MLLT3: variants seen among roughly 807,000 people sequenced by gnomAD.
MLLT3 encodes MLLT3 super elongation complex subunit, also known as protein AF-9.
In MLLT3, 4 loss-of-function variants were observed where a neutral mutation model predicts 53.2. That is an observed-to-expected ratio of 0.08 (90% CI 0.04 to 0.17). The LOEUF (loss-of-function observed/expected upper bound fraction) is 0.17. Among genes scored for constraint, MLLT3 ranks in the 10% least tolerant of loss-of-function variants. The pLI, the probability that MLLT3 is intolerant of heterozygous loss-of-function variation, is 1.00. For synonymous variants in MLLT3, 283 were observed against 230.6 expected, an observed-to-expected ratio of 1.23 and a Z score of -2.06; for missense variants, 569 against 684.0, an observed-to-expected ratio of 0.83 and a Z score of 1.87.
intron 2 of MLLT3, among the ~76,000 whole-genome samples, chr9:20,493,760 T>G (rs1383259516): frequency 6.6e-6 from 1 of 152,078 alleles, no homozygotes; most frequent in Non-Finnish European, 1.5e-5. Context: ...TAATTACAAT[T>G]CTAAAAAACT....
intron 4 of MLLT3, among the ~76,000 whole-genome samples, chr9:20,416,843 G>C (rs757204121): frequency 3.9e-5 from 6 of 152,134 alleles, no homozygotes; most frequent in Admixed American, 1.3e-4. Flanking sequence ...AAAGGAGAGA[G>C]AGCAGTTTTT....
chr9:20,547,536 C>A (rs919914491), intron 2 of MLLT3, among the ~76,000 whole-genome samples: 2 of 150,336 alleles, frequency 1.3e-5, no homozygotes, highest in African/African-American at 4.9e-5. Context: ...CCCAGCTACT[C>A]GGGAGGCTGA....
At chr9:20,476,070 T>C (rs866798630) in intron 2 of MLLT3, among the ~76,000 whole-genome samples, 2 of 151,388 alleles carry the variant, frequency 1.3e-5, no homozygotes, top group Middle Eastern at 3.4e-3. Flanking sequence ...TTTTTGTGTA[T>C]TTTTTTTTAA....
chr9:20,545,650 T>C (rs1291514659), intron 2 of MLLT3, among the ~76,000 whole-genome samples: 1 of 152,162 alleles, frequency 6.6e-6, no homozygotes, highest in African/African-American at 2.4e-5. Flanking sequence ...CCTTGTATTT[T>C]AGTCATACAT....
At chr9:20,561,551 C>T (rs1819212287) in intron 2 of MLLT3, among the ~76,000 whole-genome samples, 2 of 152,090 alleles carry the variant, frequency 1.3e-5, no homozygotes, top group African/African-American at 4.8e-5. Flanking sequence ...CAATCTGTGT[C>T]CAAGTTTCCT....
intron 2 of MLLT3, among the ~76,000 whole-genome samples, chr9:20,594,262 T>C (rs1820196788): frequency 6.6e-6 from 1 of 152,084 alleles, no homozygotes; most frequent in African/African-American, 2.4e-5. Context: ...AAATTAAACA[T>C]TTATTAATCT....
At chr9:20,437,883 G>A (rs1423088192) in intron 4 of MLLT3, among the ~76,000 whole-genome samples, 1 of 152,076 alleles carries the variant, frequency 6.6e-6, no homozygotes, top group African/African-American at 2.4e-5. Flanking sequence ...TACAGCAAGG[G>A]CTACATTATT....
chr9:20,610,657 A>G (rs1820678064), intron 2 of MLLT3, among the ~76,000 whole-genome samples: 1 of 152,162 alleles, frequency 6.6e-6, no homozygotes, highest in Non-Finnish European at 1.5e-5. Flanking sequence ...TACAGTGATA[A>G]CATAGGTCCC....
intron 2 of MLLT3, among the ~76,000 whole-genome samples, chr9:20,471,545 T>G (rs1268935611): frequency 6.6e-6 from 1 of 152,076 alleles, no homozygotes. Context: ...GTAATTAACT[T>G]TAGGTAGGTT....
intron 2 of MLLT3, among the ~76,000 whole-genome samples, chr9:20,489,823 TAAAGGG>T (rs1284115102): frequency 6.6e-6 from 1 of 152,020 alleles, no homozygotes; most frequent in African/African-American, 2.4e-5. Flanking sequence ...GGGGAAAAGT[TAAAGGG>T]AAACTACATG....
At chr9:20,350,007 C>G (rs561995463) in intron 10 of MLLT3, among the ~76,000 whole-genome samples, 26 of 152,262 alleles carry the variant, frequency 1.7e-4, no homozygotes, top group African/African-American at 6.0e-4. Flanking sequence ...AGCATGTGCC[C>G]ACATCCTCAT....
chr9:20,405,016 G>A (rs911631720), intron 5 of MLLT3, among the ~76,000 whole-genome samples: 1 of 152,206 alleles, frequency 6.6e-6, no homozygotes, highest in South Asian at 2.1e-4. Flanking sequence ...GGAGATGCAT[G>A]AGTGCAACCT....
intron 5 of MLLT3, among the ~76,000 whole-genome samples, chr9:20,373,419 C>T (rs1821669497): frequency 6.6e-6 from 1 of 152,212 alleles, no homozygotes. Flanking sequence ...ATGTTTACAA[C>T]TAGAAGTGTT....
At chr9:20,491,693 T>G (rs10811352) in intron 2 of MLLT3, among the ~76,000 whole-genome samples, 37,699 of 151,974 alleles carry the variant, frequency 0.25, 4,740 homozygotes, top group Middle Eastern at 0.33. Flanking sequence ...ACAGTAAGTG[T>G]CAAAAAGTAC....
At chr9:20,406,357 T>C (rs1023744570) in intron 5 of MLLT3, among the ~76,000 whole-genome samples, 2 of 152,204 alleles carry the variant, frequency 1.3e-5, no homozygotes, top group African/African-American at 4.8e-5. Context: ...CTGGACCACC[T>C]CATGCAGTGA....
chr9:20,424,082 T>G (rs1586939240), intron 4 of MLLT3, among the ~76,000 whole-genome samples: 1 of 152,128 alleles, frequency 6.6e-6, no homozygotes, highest in African/African-American at 2.4e-5. Context: ...TGTGCATAAA[T>G]TATATGCAAA....
intron 2 of MLLT3, among the ~76,000 whole-genome samples, chr9:20,608,251 A>G (rs953662581): frequency 1.3e-5 from 2 of 151,946 alleles, no homozygotes; most frequent in African/African-American, 4.8e-5. Flanking sequence ...TCTAAGCAAC[A>G]TGATGACAGT....
intron 2 of MLLT3, among the ~76,000 whole-genome samples, chr9:20,482,872 A>G (rs1824699878): frequency 6.6e-6 from 1 of 152,164 alleles, no homozygotes; most frequent in Admixed American, 6.5e-5. Flanking sequence ...TTCTTACATA[A>G]ATCATGAGTT....
chr9:20,355,600 G>A (rs1821153104), intron 8 of MLLT3, among the ~76,000 whole-genome samples: 1 of 152,166 alleles, frequency 6.6e-6, no homozygotes, highest in African/African-American at 2.4e-5. Context: ...TGATTTCTTT[G>A]ACAGCATCTT....
Sources: allele counts gnomAD v4.1 joint callset (sites outside exome capture counted in the v4.1 genomes callset), GRCh38; gene constraint gnomAD v4.1.1; transcripts MANE v1.5; gene names NCBI Gene and HGNC (gene_info 2026-07-23, HGNC 2026-07-21).